Variants in MED12L observed in about 807,000 individuals in gnomAD.
The protein encoded by MED12L is mediator of RNA polymerase II transcription subunit 12-like protein.
A neutral mutation model predicts 281.3 loss-of-function variants in MED12L; 60 were observed. The observed-to-expected ratio is 0.21, with a 90% CI of 0.17 to 0.26. The LOEUF (loss-of-function observed/expected upper bound fraction) is 0.26. MED12L is among the 10% of genes least tolerant of loss of function. The pLI, the probability that MED12L is intolerant of heterozygous loss-of-function variation, is 1.00. For missense variants in MED12L, 2,146 were observed against 2,680.9 expected, an observed-to-expected ratio of 0.80 and a Z score of 4.41; for synonymous variants, 974 against 987.2, an observed-to-expected ratio of 0.99 and a Z score of 0.25.
chr3:151,317,986 T>C (rs1396616163), intron 16 of MED12L, among the ~76,000 whole-genome samples: 1 of 152,170 alleles, frequency 6.6e-6, no homozygotes, highest in African/African-American at 2.4e-5. Flanking sequence ...AAGGAAATAA[T>C]GTGTACGTAC....
intron 16 of MED12L, chr3:151,328,491 A>T (rs769647505): frequency 6.2e-7 from 1 of 1,614,016 alleles, no homozygotes; most frequent in Non-Finnish European, 8.5e-7. Flanking sequence ...TTCACAGACG[A>T]TGGTGTTGCT....
intron 16 of MED12L, among the ~76,000 whole-genome samples, chr3:151,220,369 C>T (rs1342568705): frequency 6.6e-6 from 1 of 152,150 alleles, no homozygotes; most frequent in South Asian, 2.1e-4. Context: ...ATTCTTTAAA[C>T]CAGTGAGTGC....
intron 5 of MED12L, among the ~76,000 whole-genome samples, chr3:151,142,099 T>A (rs748747402): frequency 6.6e-6 from 1 of 152,230 alleles, no homozygotes; most frequent in Non-Finnish European, 1.5e-5. Flanking sequence ...GTTTCGTAGC[T>A]TCTCATTTGG....
intron 11 of MED12L, among the ~76,000 whole-genome samples, chr3:151,169,141 G>A (rs572069374): frequency 9.5e-5 from 12 of 126,698 alleles, no homozygotes; most frequent in East Asian, 2.3e-4. Flanking sequence ...TTTTTGAGAC[G>A]GAGTCTCTGT....
intron 2 of MED12L, among the ~76,000 whole-genome samples, chr3:151,110,971 A>G (rs1262763894): frequency 6.6e-6 from 1 of 152,188 alleles, no homozygotes; most frequent in Non-Finnish European, 1.5e-5. Context: ...TCAACTCTTC[A>G]TGTTAGCATG....
intron 16 of MED12L, among the ~76,000 whole-genome samples, chr3:151,293,496 C>T (rs1386344256): frequency 2.0e-5 from 3 of 151,656 alleles, no homozygotes; most frequent in Non-Finnish European, 4.4e-5. Flanking sequence ...AGAAGCATTT[C>T]CACAGCTCAT....
At chr3:151,351,133 A>AC (rs1473547920) in intron 17 of MED12L, among the ~76,000 whole-genome samples, 1 of 152,164 alleles carries the variant, frequency 6.6e-6, no homozygotes, top group African/African-American at 2.4e-5. Flanking sequence ...TGGACTCTTC[A>AC]CAGGAGATCC....
At chr3:151,213,259 C>G (rs756302880) in intron 16 of MED12L, 9 of 1,455,648 alleles carry the variant, frequency 6.2e-6, no homozygotes, top group Non-Finnish European at 8.4e-6. Flanking sequence ...TTGAAGATGA[C>G]AACATGCACA....
At chr3:151,161,734 A>G (rs924887361) in intron 8 of MED12L, among the ~76,000 whole-genome samples, 9 of 152,240 alleles carry the variant, frequency 5.9e-5, no homozygotes, top group African/African-American at 2.2e-4. Context: ...ACAGAGCAAG[A>G]AAGTGGCAAA....
chr3:151,410,027 T>C (rs1008690926), intron 40 of MED12L, among the ~76,000 whole-genome samples: 2 of 152,072 alleles, frequency 1.3e-5, no homozygotes, highest in Non-Finnish European at 2.9e-5. Flanking sequence ...AATAAGAAAA[T>C]AACGGGGCTT....
At chr3:151,410,367 A>AGCCCACATTG (rs1315272385) in intron 40 of MED12L, among the ~76,000 whole-genome samples, 2 of 152,240 alleles carry the variant, frequency 1.3e-5, no homozygotes, top group Non-Finnish European at 2.9e-5. Context: ...CTGAAAGAAA[A>AGCCCACATTG]GCCCACATTG....
rs1330747893 is a variant in MED12L at position 151,435,992 on chromosome 3, G to GTAT, written c.*3190_*3192dup. The GTAT allele has an allele frequency of 2.6e-5, 4 of 152,094 alleles. No individual in the cohort carries two copies. The highest frequency in any genetic ancestry group is 5.9e-5 in the Non-Finnish European group (4 of 68,018). 9.4% of individuals were successfully genotyped at this position (152,094 alleles called of 1,614,324 possible). On this transcript the variant is annotated 3_prime_UTR_variant, in exon 45 of 45. Transcript: ENST00000687756. The stretch of plus-strand genomic sequence containing the variant: ...TTTAAAGTTATAAAGAAGTTTCATT[G>GTAT]TATTTTTAAAACCTTTTTAATGGGT...
chr3:151,213,999 G>T, intron 16 of MED12L: 1 of 1,613,996 alleles, frequency 6.2e-7, no homozygotes, highest in Non-Finnish European at 8.5e-7. Context: ...CAATGCTGAC[G>T]TACATGTTGA....
chr3:151,239,457 A>G (rs765284525), intron 16 of MED12L, among the ~76,000 whole-genome samples: 1 of 152,246 alleles, frequency 6.6e-6, no homozygotes, highest in Non-Finnish European at 1.5e-5. Flanking sequence ...GGAAGTGGAT[A>G]TGAGAATCCA....
intron 11 of MED12L, among the ~76,000 whole-genome samples, chr3:151,174,599 C>T (rs566972898): frequency 3.3e-5 from 5 of 152,308 alleles, no homozygotes; most frequent in Non-Finnish European, 5.9e-5. Flanking sequence ...TAAAGACTAT[C>T]AACATTGATT....
intron 16 of MED12L, chr3:151,316,778 T>C (rs983039127): frequency 2.0e-4 from 31 of 152,254 alleles, no homozygotes; most frequent in African/African-American, 7.2e-4. Flanking sequence ...TTAGAGATTG[T>C]CCTTTGGGGC....
intron 43 of MED12L, among the ~76,000 whole-genome samples, chr3:151,422,366 G>A (rs553923516): frequency 2.0e-5 from 3 of 152,218 alleles, no homozygotes; most frequent in African/African-American, 7.2e-5. Flanking sequence ...AGGGTTGTTG[G>A]TTCCCTCTGA....
At chr3:151,308,330 A>G (rs1179446110) in intron 16 of MED12L, among the ~76,000 whole-genome samples, 1 of 152,090 alleles carries the variant, frequency 6.6e-6, no homozygotes, top group Admixed American at 6.5e-5. Context: ...TAAGAATTTT[A>G]CTCAAATTTT....
intron 16 of MED12L, among the ~76,000 whole-genome samples, chr3:151,224,482 C>T (rs1394703365): frequency 4.6e-5 from 7 of 151,250 alleles, no homozygotes; most frequent in African/African-American, 1.5e-4. Flanking sequence ...ATCGCCTATG[C>T]GGTTTTCATA....
Sources: gnomAD v4.1 joint callset for allele counts (sites outside exome capture counted in the v4.1 genomes callset) on GRCh38, gnomAD v4.1.1 for gene constraint, MANE v1.5 for transcripts, NCBI Gene and HGNC (gene_info 2026-07-23, HGNC 2026-07-21) for gene names.